BAIAP2: variants seen among roughly 807,000 people sequenced by gnomAD.
The protein encoded by BAIAP2 is BAR/IMD domain-containing adapter protein 2.
Under a neutral mutation model 63.0 loss-of-function variants are expected in BAIAP2, and 18 were observed. That is an observed-to-expected ratio of 0.29 (90% confidence interval 0.20 to 0.42). The LOEUF (loss-of-function observed/expected upper bound fraction) is 0.42, where lower values mean the gene tolerates loss of function less well. Among genes scored for constraint, BAIAP2 ranks in the 10% least tolerant of loss-of-function variants. The pLI is 1.00. For synonymous variants in BAIAP2, 386 were observed against 307.6 expected (o/e 1.25, Z -2.67); for missense variants, 610 against 734.3 (o/e 0.83, Z 1.96).
Position 81,035,241 on chromosome 17 carries a change from C to G in BAIAP2, c.-14C>G. ...CCCCCGCTCCGGTCTGTGGTGCAGC[C>G]GGGACCCAGGACCATGTCTCTGTCT... On this transcript the variant is annotated 5_prime_UTR_variant, in exon 1 of 14. Coordinates refer to ENST00000428708, the MANE Select transcript of BAIAP2 (RefSeq NM_001144888.2). The G allele has an allele frequency of 6.6e-7, 1 of 1,506,972 alleles. No individual in the cohort carries two copies. The highest frequency in any genetic ancestry group is 8.9e-7 in the Non-Finnish European group (1 of 1,122,192). The allele number at this position is 1,506,972 out of a possible 1,614,324, so 93.4% of individuals were successfully genotyped here. A position where few individuals can be genotyped will look rare whatever the true frequency, so the allele number is the denominator to read the frequency against.
At chr17:81,110,451 A>G in intron 13 of BAIAP2, 3 of 995,430 alleles carry the variant, frequency 3.0e-6, no homozygotes, top group Non-Finnish European at 3.6e-6. Context: ...CCTTTTTTTT[A>G]AAAAATCTGA....
chr17:81,072,413 G>A (rs1319237812), intron 3 of BAIAP2, among the ~76,000 whole-genome samples: 1 of 152,244 alleles, frequency 6.6e-6, no homozygotes, highest in Non-Finnish European at 1.5e-5. Flanking sequence ...GCACTTCTCA[G>A]GGTCCAGTGG....
chr17:81,076,033 A>G (rs2053609088), intron 3 of BAIAP2, among the ~76,000 whole-genome samples: 1 of 150,018 alleles, frequency 6.7e-6, no homozygotes, highest in Non-Finnish European at 1.5e-5. Context: ...AGTAATCCTG[A>G]GGTTTGGTAG....
At chr17:81,038,561 G>A (rs950468515) in intron 1 of BAIAP2, among the ~76,000 whole-genome samples, 2 of 152,364 alleles carry the variant, frequency 1.3e-5, no homozygotes, top group Admixed American at 6.5e-5. Flanking sequence ...AGCAGCTGGT[G>A]GGGAAGCCAG....
intron 2 of BAIAP2, among the ~76,000 whole-genome samples, chr17:81,057,158 C>T (rs1342006100): frequency 6.6e-6 from 1 of 152,194 alleles, no homozygotes; most frequent in African/African-American, 2.4e-5. Flanking sequence ...CTTTCTGCGG[C>T]CTGGAGGTCA....
chr17:81,110,548 G>A (rs4072587), intron 13 of BAIAP2: 187,384 of 1,136,792 alleles, frequency 0.16, 15,925 homozygotes, highest in Middle Eastern at 0.25. Flanking sequence ...GGTTCCCGGC[G>A]TGCGTCTTTG....
intron 3 of BAIAP2, among the ~76,000 whole-genome samples, chr17:81,067,462 G>A (rs532033216): frequency 1.2e-3 from 177 of 152,318 alleles, no homozygotes; most frequent in Non-Finnish European, 1.8e-3. Flanking sequence ...AGCCCTGCCC[G>A]CCTGCCAACA....
At chr17:81,080,421 C>T (rs1478794576) in intron 3 of BAIAP2, among the ~76,000 whole-genome samples, 6 of 152,254 alleles carry the variant, frequency 3.9e-5, no homozygotes, top group African/African-American at 1.2e-4. Context: ...TTGCCTGGAC[C>T]TCCCCTGTGT....
chr17:81,086,296 G>T, intron 5 of BAIAP2, 147 bp from the exon 6 acceptor site: 1 of 1,000,012 alleles, frequency 1.0e-6, no homozygotes. Flanking sequence ...GAGCATGCAC[G>T]GCCAGAGAGC....
intron 1 of BAIAP2, among the ~76,000 whole-genome samples, chr17:81,036,384 C>G (rs979482414): frequency 6.6e-6 from 1 of 152,114 alleles, no homozygotes. Flanking sequence ...GTTTCCTAAC[C>G]GGCTTGCACC....
At position 81,045,055 on chromosome 17, in the gene BAIAP2, CTG is replaced by C. The variant is rs368733131; in HGVS notation, c.55-8609_55-8608del. Among the ~76,000 whole-genome samples, 535 of 152,334 alleles carry C rather than the reference CTG, an allele frequency of 3.5e-3. 3 individuals carry two copies. Among genetic ancestry groups the C allele is most frequent in the African/African-American group, 0.012 (511 of 41,576 alleles). ...AAGGAAGTGGCCAGACTGCTTGGTG[CTG>C]TGTTTGGACTTTGCTGGGCTGCGGC... is the stretch of plus-strand genomic sequence containing the variant. On this transcript the variant is annotated intron_variant, in intron 1 of 13. Transcript: ENST00000428708.
intron 1 of BAIAP2, chr17:81,036,987 T>TG (rs1177327801): frequency 6.6e-7 from 1 of 1,522,266 alleles, no homozygotes; most frequent in South Asian, 1.2e-5. Flanking sequence ...GGTTTTGCTC[T>TG]GGGGGACCGA....
At chr17:81,101,489 A>G (rs1167643276) in intron 7 of BAIAP2, among the ~76,000 whole-genome samples, 7 of 152,112 alleles carry the variant, frequency 4.6e-5, no homozygotes, top group African/African-American at 1.7e-4. Flanking sequence ...ACATTTCAAG[A>G]GTTTCGAAGA....
chr17:81,069,699 CT>C (rs943504561), intron 3 of BAIAP2, among the ~76,000 whole-genome samples: 3 of 152,192 alleles, frequency 2.0e-5, no homozygotes, highest in Non-Finnish European at 4.4e-5. Context: ...TCGGGGGACT[CT>C]CCCCCGCCAG....
chr17:81,073,998 A>G (rs569976471), intron 3 of BAIAP2, among the ~76,000 whole-genome samples: 20 of 152,348 alleles, frequency 1.3e-4, no homozygotes, highest in Non-Finnish European at 2.5e-4. Flanking sequence ...GAGAGAGACT[A>G]AAGCCACGTG....
chr17:81,085,746 C>T, intron 5 of BAIAP2, 21 bp downstream of exon 5: 1 of 1,599,058 alleles, frequency 6.3e-7, no homozygotes, highest in African/African-American at 1.3e-5. Flanking sequence ...CCTGGCCGTG[C>T]CTGCTGGGCC....
chr17:81,116,329 C>T lies in BAIAP2; in HGVS notation c.*490C>T. 6.2e-7 allele frequency: 1 copy of T among 1,612,416 alleles called. No homozygotes were observed. Among genetic ancestry groups the T allele is most frequent in the Non-Finnish European group, 8.5e-7 (1 of 1,179,732 alleles). ...GAACTTCCCGTAAGCACGTAATTCC[C>T]TGCAGGTCCGGCAGCTACACCTGGA... On this transcript the variant is annotated 3_prime_UTR_variant, in exon 14 of 14. Coordinates refer to ENST00000428708, the MANE Select transcript of BAIAP2 (RefSeq NM_001144888.2).
intron 3 of BAIAP2, among the ~76,000 whole-genome samples, chr17:81,062,060 A>G (rs896979671): frequency 3.3e-5 from 5 of 152,020 alleles, no homozygotes; most frequent in African/African-American, 1.2e-4. Context: ...CTCCTGCCTC[A>G]GCCTCCCAAG....
rs2058778550 is a variant in BAIAP2, at chr17:81,103,703, G to A, written c.844G>A (p.Glu282Lys). 2.5e-6 allele frequency: 4 copies of A among 1,591,966 alleles called. No homozygotes were observed. Among genetic ancestry groups the A allele is most frequent in the Non-Finnish European group, 2.6e-6 (3 of 1,169,678 alleles). ...GGCCAAGCCCCTGCCGGTGCCCCCCGAGCTGGCACCGTTCGTGGGGGTGAG... is the reference window on the plus strand; with the variant it reads ...GGCCAAGCCCCTGCCGGTGCCCCCCAAGCTGGCACCGTTCGTGGGGGTGAG... The part of the protein sequence containing the change: ...PGAKPLPVPP[E>K]LAPFVGRMSA... Residue 282 changes from glutamate (E) to lysine (K), a missense_variant, in exon 8 of 14, where the codon GAG (glutamate) becomes AAG (lysine). Coordinates refer to ENST00000428708, the MANE Select transcript of BAIAP2 (RefSeq NM_001144888.2).
Sources: allele counts gnomAD v4.1 joint callset (sites outside exome capture counted in the v4.1 genomes callset), GRCh38; gene constraint gnomAD v4.1.1; transcripts MANE v1.5; gene names NCBI Gene and HGNC (gene_info 2026-07-23, HGNC 2026-07-21).